The following SEC16A variants were observed in gnomAD, a reference collection of about 807,000 sequenced individuals.
The protein encoded by SEC16A is protein transport protein Sec16A.
In SEC16A, 110 loss-of-function variants were observed where a neutral mutation model predicts 221.9. The observed-to-expected ratio is 0.50, with a 90% CI of 0.42 to 0.58. The LOEUF is 0.58. Among genes scored for constraint, SEC16A ranks in the 20% least tolerant of loss-of-function variants. SEC16A has a pLI of 0.00. For synonymous variants in SEC16A, 1,393 were observed against 1,257.7 expected, an observed-to-expected ratio of 1.11 and a Z score of -2.28; for missense variants, 3,165 against 3,097.8, an observed-to-expected ratio of 1.02 and a Z score of -0.52.
rs1841308198 is a variant in SEC16A at position 136,474,259 on chromosome 9, G to A, written c.3357C>T (p.Ser1119=). 1 of 1,608,074 alleles carries A rather than the reference G, an allele frequency of 6.2e-7. No homozygotes were observed. Among genetic ancestry groups the A allele is most frequent in the South Asian group, 1.1e-5 (1 of 90,560 alleles). The change falls in exon 3 of 32, where the codon TCC becomes TCT. Residue 1119 remains serine (S), a synonymous_variant. Transcript: ENST00000684901. The part of the protein sequence containing the change: ...GQQLPPRPPQ[S]SSVSLVSSGS... ...CACTGGACACCAGAGACACGCTAGAGGACTGAGGAGGCCGAGGGGGCAGCT... is the reference window on the plus strand; with the variant it reads ...CACTGGACACCAGAGACACGCTAGAAGACTGAGGAGGCCGAGGGGGCAGCT...
Position 136,476,752 on chromosome 9 carries a change from A to G in SEC16A, c.864T>C (p.Ser288=), listed in dbSNP as rs1841693654. The change falls in exon 3 of 32, where the codon AGT becomes AGC. Residue 288 remains serine (S), a synonymous_variant. Coordinates refer to ENST00000684901, the MANE Select transcript of SEC16A (RefSeq NM_014866.2). The stretch of plus-strand genomic sequence containing the variant: ...CAGAGTTATTGGCCAGGTGGCTTCC[A>G]CTTTGCAAGTGGCTCACCTCGTCTC... ...DGRDEVSHLQ[S]GSHLANNSDP... 3.1e-6 allele frequency: 5 copies of G among 1,609,658 alleles called. No homozygotes were observed. Among genetic ancestry groups the G allele is most frequent in the Non-Finnish European group, 4.2e-6 (5 of 1,177,034 alleles).
chr9:136,472,161 T>G, intron 3 of SEC16A, 50 bp from the exon 4 acceptor site: 1 of 1,605,032 alleles, frequency 6.2e-7, no homozygotes, highest in Non-Finnish European at 8.5e-7. Context: ...AAGAGCAAGC[T>G]CGTCCAACAG....
chr9:136,468,082 C>T (rs561370115), intron 5 of SEC16A, among the ~76,000 whole-genome samples: 3 of 152,330 alleles, frequency 2.0e-5, no homozygotes, highest in African/African-American at 7.2e-5. Context: ...CCTTTTCATC[C>T]GTTTATGTTT....
chr9:136,478,644 TG>T (rs1189598655), intron 2 of SEC16A, among the ~76,000 whole-genome samples, 64 bp downstream of exon 2: 15 of 152,004 alleles, frequency 9.9e-5, no homozygotes, highest in African/African-American at 3.4e-4. Context: ...GAGACCAGCC[TG>T]GGCAACATAG....
At chr9:136,457,682 A>C in intron 17 of SEC16A, 98 bp from the exon 18 acceptor site, 1 of 1,424,882 alleles carries the variant, frequency 7.0e-7, no homozygotes. Context: ...CCTGCATCCG[A>C]GCATCGCCCT....
Position 136,451,314 on chromosome 9 carries a change from G to A in SEC16A, c.6254C>T (p.Ala2085Val), listed in dbSNP as rs771846398. Residue 2085 changes from alanine (A) to valine (V), a missense_variant, in exon 23 of 32, where the codon GCT (alanine) becomes GTT (valine). Around this residue, in one of 3 missense-constraint regions of SEC16A, gnomAD observed 1,088 missense variants for 1,089.6 expected, o/e 1.00. Coordinates refer to ENST00000684901, the MANE Select transcript of SEC16A (RefSeq NM_014866.2). ...CTGTCCGGGTCTCTTTGTTTCGGGA[G>A]CGGGTGAGAGAGACAGAGGTGGCTG... ...PTQPPLSLSPAPETKRPGQAA... is the reference protein window; with the variant it reads ...PTQPPLSLSPVPETKRPGQAA... The A allele has an allele frequency of 3.7e-6, 6 of 1,613,638 alleles. No individual in the cohort carries two copies. Among genetic ancestry groups the A allele is most frequent in the Admixed American group, 1.7e-5 (1 of 59,964 alleles).
chr9:136,483,160 C>G (rs548777166), upstream of SEC16A: 4 of 342,570 alleles, frequency 1.2e-5, no homozygotes, highest in Non-Finnish European at 1.6e-5. Flanking sequence ...TTCAGCCCTT[C>G]ACAGCCCATC....
chr9:136,461,357 G>A (rs996165464), intron 12 of SEC16A, 83 bp from the exon 13 acceptor site: 10 of 986,448 alleles, frequency 1.0e-5, no homozygotes, highest in African/African-American at 6.4e-5. Flanking sequence ...GTGTCCTCAC[G>A]CAGCAGCAGA....
chr9:136,483,453 G>A (rs1393210617), upstream of SEC16A: 2 of 414,950 alleles, frequency 4.8e-6, no homozygotes, highest in Non-Finnish European at 5.5e-6. Flanking sequence ...CCCGCCCCTC[G>A]GCCGTCCTTC....
Position 136,477,428 on chromosome 9 carries a change from T to G in SEC16A, c.188A>C (p.Gln63Pro). ...DPFAFSRQAL[Q>P]STPLGSSSKS... is the part of the protein sequence containing the mutation. ...GGACGAACTGCCCAGTGGTGTACTT[T>G]GGAGCGCCTGTCTACTAAAAGCAAA... The change falls in exon 3 of 32, where the codon CAA becomes CCA. Residue 63 changes from glutamine (Q) to proline (P), a missense_variant. Coordinates refer to ENST00000684901, the MANE Select transcript of SEC16A (RefSeq NM_014866.2). 1 of 1,614,034 alleles carries G rather than the reference T, an allele frequency of 6.2e-7. No homozygotes were observed. The highest frequency in any genetic ancestry group is 1.7e-5 in the Admixed American group (1 of 60,028).
At chr9:136,473,734 G>T (rs1841218150) in intron 3 of SEC16A, among the ~76,000 whole-genome samples, 1 of 152,270 alleles carries the variant, frequency 6.6e-6, no homozygotes, top group Admixed American at 6.5e-5. Flanking sequence ...AGGAGCAGGG[G>T]TGACAGCAAA....
In SEC16A at chr9:136,474,167, C is replaced by G; in HGVS notation, c.3449G>C (p.Gly1150Ala). Residue 1150 changes from glycine to alanine, a missense_variant, in exon 3 of 32, where the codon GGC becomes GCC. By Grantham distance (60) the Gly-to-Ala change is moderately conservative (BLOSUM62 0). Transcript: ENST00000684901. ...WPQPVPALAP[G>A]PPPQDLAAYY... The stretch of plus-strand genomic sequence containing the variant: ...GGCGGCCAGGTCCTGAGGCGGTGGG[C>G]CGGGGGCAAGTGCAGGCACTGGCTG... 1 of 1,613,074 alleles carries G rather than the reference C, an allele frequency of 6.2e-7. No individual in the cohort carries two copies. The highest frequency in any genetic ancestry group is 8.5e-7 in the Non-Finnish European group (1 of 1,179,838).
upstream of SEC16A, chr9:136,483,784 G>A: frequency 4.1e-6 from 4 of 985,492 alleles, no homozygotes; most frequent in Non-Finnish European, 4.8e-6. Flanking sequence ...CTGGGAGGCT[G>A]GAGGGCAGGC....
intron 1 of SEC16A, among the ~76,000 whole-genome samples, 113 bp from the exon 2 acceptor site, chr9:136,478,943 G>GT (rs66929821): frequency 0.12 from 18,172 of 152,148 alleles, 1,392 homozygotes; most frequent in Admixed American, 0.24. Flanking sequence ...ATAGGTCTCC[G>GT]TTTTTGTACT....
rs774434354 is a variant in SEC16A, at chr9:136,475,524, C to A, written c.2092G>T (p.Asp698Tyr). ...MLPHAGAPPL[D>Y]TVYPAPEKRP... is the part of the protein sequence containing the mutation. The stretch of plus-strand genomic sequence containing the variant: ...TTCTCGGGTGCTGGATACACAGTAT[C>A]CAAGGGCGGTGCCCCTGCGTGCGGA... Residue 698 changes from aspartate to tyrosine, a missense_variant, in exon 3 of 32, where the codon GAT (aspartate) becomes TAT (tyrosine). Transcript: ENST00000684901. The surrounding 1 kb of genome is among the most constrained non-coding windows in gnomAD (Gnocchi z 5.0). 39 of 1,612,968 alleles carry A rather than the reference C, an allele frequency of 2.4e-5. No homozygotes were observed. The highest frequency in any genetic ancestry group is 3.1e-5 in the Non-Finnish European group (36 of 1,179,534).
chr9:136,454,296 G>C lies in SEC16A; in HGVS notation c.5889C>G (p.Ala1963=). The C allele has an allele frequency of 6.3e-7, 1 of 1,582,226 alleles. No individual in the cohort carries two copies. ...APQTLPDGPL[A]SPARVPMFPV... ...GGAACATCGGCACTCTGGCAGGACTGGCCAATGGGCCGTCAGGGAGCGTCT... is the reference window on the plus strand; with the variant it reads ...GGAACATCGGCACTCTGGCAGGACTCGCCAATGGGCCGTCAGGGAGCGTCT... The change falls in exon 21 of 32, where the codon GCC becomes GCG. Residue 1963 remains alanine, a synonymous_variant. Transcript: ENST00000684901.
chr9:136,479,995 GTC>G (rs2133089818), intron 1 of SEC16A, among the ~76,000 whole-genome samples: 1 of 140,832 alleles, frequency 7.1e-6, no homozygotes, highest in African/African-American at 2.6e-5. Context: ...GAGTGAAACT[GTC>G]TCAAAAAAAA....
At chr9:136,446,241 G>A (rs1011979920) in intron 28 of SEC16A, among the ~76,000 whole-genome samples, 2 of 151,770 alleles carry the variant, frequency 1.3e-5, no homozygotes, top group Non-Finnish European at 2.9e-5. Context: ...GAGTAGCTGG[G>A]ATTACAGGCA....
chr9:136,460,147 G>A (rs774541799), intron 13 of SEC16A, 24 bp from the exon 14 acceptor site: 10 of 1,572,218 alleles, frequency 6.4e-6, no homozygotes, highest in Non-Finnish European at 7.8e-6. Context: ...AACACAGAAA[G>A]ACCCCATGCT....
Sources: gnomAD v4.1 joint callset for allele counts (sites outside exome capture counted in the v4.1 genomes callset) on GRCh38, gnomAD v4.1.1 for gene constraint, gnomAD v4.1.1 regional missense constraint, Gnocchi (gnomAD v3.1) non-coding constraint, MANE v1.5 for transcripts, NCBI Gene and HGNC (gene_info 2026-07-23, HGNC 2026-07-21) for gene names.